The following ABCC6 variants were observed in gnomAD, a reference collection of about 807,000 sequenced individuals.
The protein encoded by ABCC6 is ATP-binding cassette sub-family C member 6.
In ABCC6, 126 loss-of-function variants were observed where a neutral mutation model predicts 169.5. The ratio of observed to expected loss-of-function variants is 0.74; its 90% CI spans 0.64 to 0.86. ABCC6 has a LOEUF of 0.86. Among genes scored for constraint, ABCC6 ranks in the 40% least tolerant of loss-of-function variants. ABCC6 has a pLI of 0.00. For missense variants in ABCC6, 1,733 were observed against 1,927.2 expected, an observed-to-expected ratio of 0.90 and a Z score of 1.89; for synonymous variants, 752 against 814.7, an observed-to-expected ratio of 0.92 and a Z score of 1.31.
intron 15 of ABCC6, chr16:16,184,123 C>T (rs962875799): frequency 1.2e-5 from 2 of 173,088 alleles, no homozygotes; most frequent in South Asian, 8.4e-5. Context: ...TGCTTGAATC[C>T]GGAAGGTGGA....
At chr16:16,191,394 G>A (rs1190014622) in intron 11 of ABCC6, among the ~76,000 whole-genome samples, 1 of 152,012 alleles carries the variant, frequency 6.6e-6, no homozygotes, top group Non-Finnish European at 1.5e-5. Context: ...GGGATTACAG[G>A]TGTGGCCTCC....
chr16:16,202,017 C>G lies in ABCC6; in HGVS notation c.1160G>C (p.Gly387Ala), dbSNP rs771256512. 1.0e-4 allele frequency: 162 copies of G among 1,613,910 alleles called. 1 individual carries two copies. In the Admixed American group the frequency reaches 2.7e-3, roughly 27 times the overall value. Reference protein sequence around the residue: ...LQMRLRSAITGLVYRKVLALS... With the variant: ...LQMRLRSAITALVYRKVLALS... Reference sequence around the variant, plus strand: ...AGGGCTCACCTTTCTGTACACCAGGCCAGTGATGGCCGACCGCAACCTCAT... The same window carrying G: ...AGGGCTCACCTTTCTGTACACCAGGGCAGTGATGGCCGACCGCAACCTCAT... The change falls in exon 9 of 31, where the codon GGC (glycine) becomes GCC (alanine). Residue 387 changes from glycine (G) to alanine (A), a missense_variant. Coordinates refer to ENST00000205557, the MANE Select transcript of ABCC6 (RefSeq NM_001171.6).
At chr16:16,191,328 C>G (rs2047847905) in intron 11 of ABCC6, among the ~76,000 whole-genome samples, 1 of 152,106 alleles carries the variant, frequency 6.6e-6, no homozygotes, top group Non-Finnish European at 1.5e-5. Flanking sequence ...GTTGGCCAGG[C>G]TGGTTTTGAA....
At chr16:16,186,368 C>T (rs1483104678) in intron 14 of ABCC6, among the ~76,000 whole-genome samples, 1 of 152,042 alleles carries the variant, frequency 6.6e-6, no homozygotes, top group Non-Finnish European at 1.5e-5. Context: ...CCTCAACCCC[C>T]AGGCCACAGA....
chr16:16,221,346 A>C (rs2049064377), intron 2 of ABCC6: 1 of 1,403,176 alleles, frequency 7.1e-7, no homozygotes. Context: ...TTGTGTATCC[A>C]AGAGTCTACA....
chr16:16,164,486 G>A (rs1243216675), intron 23 of ABCC6, among the ~76,000 whole-genome samples: 1 of 152,134 alleles, frequency 6.6e-6, no homozygotes, highest in Non-Finnish European at 1.5e-5. Context: ...TTCAGTTACT[G>A]TGACGAGTTC....
intron 5 of ABCC6, 21 bp downstream of exon 5, chr16:16,214,303 G>T (rs778030945): frequency 2.3e-5 from 35 of 1,550,534 alleles, no homozygotes; most frequent in South Asian, 9.5e-5. Flanking sequence ...ACAGGAATGA[G>T]GTTGGAACTT....
At chr16:16,221,489 G>C (rs1350929609) in intron 2 of ABCC6, 160 bp downstream of exon 2, 3 of 1,468,828 alleles carry the variant, frequency 2.0e-6, no homozygotes, top group East Asian at 5.0e-5. Flanking sequence ...GTTCCACTGA[G>C]TTGACCTCTG....
rs200252305 is a variant in ABCC6 at position 16,154,857 on chromosome 16, C to A, written c.4041+16G>T. The A allele has an allele frequency of 9.3e-6, 15 of 1,611,678 alleles. No homozygotes were observed. The highest frequency in any genetic ancestry group is 2.2e-5 in the East Asian group (1 of 44,770). On this transcript the variant is annotated intron_variant, in intron 28 of 30. Coordinates refer to ENST00000205557, the MANE Select transcript of ABCC6 (RefSeq NM_001171.6). ...CCATGCCTCCCATCTTTGCCCACCC[C>A]CTCCACCAGCCTCACCTGGGGGATG...
At position 16,149,900 on chromosome 16, in the gene ABCC6, G is replaced by T; in HGVS notation, c.*233C>A. On this transcript the variant is annotated 3_prime_UTR_variant, in exon 31 of 31. Coordinates refer to ENST00000205557, the MANE Select transcript of ABCC6 (RefSeq NM_001171.6). ...AGAGTCGCTGTTGACATTGGCTGCA[G>T]GGTGGACAGGGCGAGATGGGCCCTG... is the stretch of plus-strand genomic sequence containing the variant. 3.2e-6 allele frequency: 2 copies of T among 629,340 alleles called. No individual in the cohort carries two copies. The highest frequency in any genetic ancestry group is 5.6e-6 in the Non-Finnish European group (2 of 354,846). The allele number at this position is 629,340 out of a possible 1,614,324, so 39.0% of individuals were successfully genotyped here. A position where few individuals can be genotyped will look rare whatever the true frequency, so the allele number is the denominator to read the frequency against.
rs1283081297 is a variant in ABCC6, at chr16:16,165,997, C to G, written c.2996-64G>C. 7.9e-6 allele frequency: 12 copies of G among 1,519,574 alleles called. No homozygotes were observed. In the African/African-American group the frequency reaches 1.2e-4, roughly 16 times the overall value. The allele number at this position is 1,519,574 out of a possible 1,614,324, so 94.1% of individuals were successfully genotyped here. ...ACCCTCAGGAGCGGCCCACGGGGCC[C>G]TGCGCAGGTCTCTCCCGCTACCCCA... is the stretch of plus-strand genomic sequence containing the variant. On this transcript the variant is annotated intron_variant, in intron 22 of 30. Coordinates refer to ENST00000205557, the MANE Select transcript of ABCC6 (RefSeq NM_001171.6).
chr16:16,177,230 A>AT lies in ABCC6; in HGVS notation c.2590+221dup, dbSNP rs543191452. ...GTGTGAGAATCAAATGAAATAGTGT[A>AT]TTTTTTACAGAAGCACTTAGCACAA... On this transcript the variant is annotated intron_variant, in intron 19 of 30. Transcript: ENST00000205557. Among the ~76,000 whole-genome samples the AT allele has an allele frequency of 2.4e-3, 361 of 152,298 alleles. 1 individual carries two copies. The highest frequency in any genetic ancestry group is 8.3e-3 in the African/African-American group (343 of 41,560).
At position 16,171,911 on chromosome 16, in the gene ABCC6, GTGGGTGGGTGGGTGGATAAA is replaced by G. The variant is rs1175021914; in HGVS notation, c.2787+1353_2787+1372del. On this transcript the variant is annotated intron_variant, in intron 21 of 30. Coordinates refer to ENST00000205557, the MANE Select transcript of ABCC6 (RefSeq NM_001171.6). The stretch of plus-strand genomic sequence containing the variant: ...GTGGGATGGATGGATAAATGAATGG[GTGGGTGGGTGGGTGGATAAA>G]TGGGTGGGTGGGATGGATAAATGAG... 9.9e-3 allele frequency among the ~76,000 whole-genome samples: 221 copies of G among 22,376 alleles called. 6 individuals are homozygous for G. The highest frequency in any genetic ancestry group is 0.023 in the Non-Finnish European group (180 of 7,804). 14.7% of individuals were successfully genotyped at this position (22,376 alleles called of 152,430 possible).
intron 8 of ABCC6, 146 bp from the exon 9 acceptor site, chr16:16,202,324 A>C (rs1297584642): frequency 1.1e-6 from 1 of 871,026 alleles, no homozygotes; most frequent in African/African-American, 1.7e-5. Flanking sequence ...TTTTTTTTGC[A>C]ATAATGGTCT....
chr16:16,209,494 G>A lies in ABCC6; in HGVS notation c.663-635C>T, dbSNP rs1325386553. 3.3e-5 allele frequency among the ~76,000 whole-genome samples: 5 copies of A among 152,190 alleles called. No individual in the cohort carries two copies. In the East Asian group the frequency reaches 9.7e-4, roughly 29 times the overall value. Reference sequence around the variant, plus strand: ...AGAGAGATTCAGTGGCTAAACCAAGGGATAGCCCTTGGCAAGGGAAACAGA... The same window carrying A: ...AGAGAGATTCAGTGGCTAAACCAAGAGATAGCCCTTGGCAAGGGAAACAGA... On this transcript the variant is annotated intron_variant, in intron 6 of 30. Transcript: ENST00000205557.
At chr16:16,153,434 G>T (rs1169028840) in intron 29 of ABCC6, among the ~76,000 whole-genome samples, 1 of 152,168 alleles carries the variant, frequency 6.6e-6, no homozygotes, top group African/African-American at 2.4e-5. Context: ...AAATAAGCCA[G>T]TCACAAAAGG....
intron 29 of ABCC6, among the ~76,000 whole-genome samples, chr16:16,152,514 T>C (rs1406649459): frequency 1.3e-5 from 2 of 152,088 alleles, no homozygotes; most frequent in Non-Finnish European, 2.9e-5. Flanking sequence ...TCCAACTCTG[T>C]GAAATGATGT....
At position 16,169,742 on chromosome 16, in the gene ABCC6, A is replaced by G. The variant is rs2152235602; in HGVS notation, c.2899T>C (p.Trp967Arg). 1.2e-6 allele frequency: 2 copies of G among 1,607,852 alleles called. No individual in the cohort carries two copies. Among genetic ancestry groups the G allele is most frequent in the Non-Finnish European group, 1.7e-6 (2 of 1,177,714 alleles). The change falls in exon 22 of 31, where the codon TGG (tryptophan) becomes CGG (arginine). Residue 967 changes from tryptophan (W) to arginine (R), a missense_variant. By Grantham distance (101) the Trp-to-Arg change is moderately radical (BLOSUM62 -3). Around this residue, in one of 5 missense-constraint regions of ABCC6, gnomAD observed 1,601 missense variants for 1,635.5 expected, o/e 0.98. Transcript: ENST00000205557. The stretch of plus-strand genomic sequence containing the variant: ...GGGTCGTCCGCCCACAGGCTCAGCC[A>G]GTAGCCCCGGCAGAAGGAGGCCACT... ...QQVASFCRGY[W>R]LSLWADDPAV...
rs955961293 is a variant in ABCC6, at chr16:16,173,512, G to A, written c.2667-108C>T. 3.8e-6 allele frequency: 5 copies of A among 1,325,060 alleles called. No homozygotes were observed. In the African/African-American group the frequency reaches 7.2e-5, roughly 19 times the overall value. 82.1% of individuals were successfully genotyped at this position (1,325,060 alleles called of 1,614,324 possible). A position where few individuals can be genotyped will look rare whatever the true frequency, so the allele number is the denominator to read the frequency against. ...AGCCACTGAGCTCTGGGTACACTCT[G>A]TACTCTTTCATTCATTCATTTATCT... On this transcript the variant is annotated intron_variant, in intron 20 of 30. Coordinates refer to ENST00000205557, the MANE Select transcript of ABCC6 (RefSeq NM_001171.6).
Sources: allele counts gnomAD v4.1 joint callset (sites outside exome capture counted in the v4.1 genomes callset), GRCh38; gene constraint gnomAD v4.1.1; regional missense constraint gnomAD v4.1.1; transcripts MANE v1.5; gene names NCBI Gene and HGNC (gene_info 2026-07-23, HGNC 2026-07-21).